Variants in RMDN2 observed in about 807,000 individuals in gnomAD.
RMDN2 encodes the protein regulator of microtubule dynamics 2.
A neutral mutation model predicts 52.8 loss-of-function variants in RMDN2; 61 were observed. The observed-to-expected ratio is 1.16, with a 90% CI of 0.94 to 1.43. The LOEUF is 1.43. Among genes scored for constraint, RMDN2 ranks in the 40% most tolerant of loss-of-function variants. The pLI, the probability that RMDN2 is intolerant of heterozygous loss-of-function variation, is 0.00. For synonymous variants in RMDN2, 180 were observed against 153.1 expected (o/e 1.18, Z -1.30); for missense variants, 592 against 475.3 (o/e 1.25, Z -2.28).
chr2:37,989,205 T>C (rs779539413), intron 5 of RMDN2, among the ~76,000 whole-genome samples: 7 of 152,194 alleles, frequency 4.6e-5, no homozygotes, highest in Non-Finnish European at 8.8e-5. Context: ...TGAGAGTTTC[T>C]TCATGACTTT....
At chr2:37,926,376 T>C (rs566342726) in intron 1 of RMDN2, among the ~76,000 whole-genome samples, 9 of 152,360 alleles carry the variant, frequency 5.9e-5, no homozygotes, top group African/African-American at 1.9e-4. Context: ...CTATTTTCTT[T>C]AGAGTCAACA....
chr2:38,049,887 T>C (rs1681485098), intron 10 of RMDN2, among the ~76,000 whole-genome samples: 2 of 152,200 alleles, frequency 1.3e-5, no homozygotes, highest in Non-Finnish European at 2.9e-5. Flanking sequence ...TTTTTTATCA[T>C]CTTGCTTCCC....
intron 10 of RMDN2, among the ~76,000 whole-genome samples, chr2:38,028,985 G>C (rs1362204240): frequency 2.0e-5 from 3 of 152,136 alleles, no homozygotes; most frequent in African/African-American, 7.2e-5. Context: ...CTGTTTTTAT[G>C]TGGGGCAGGA....
chr2:37,992,976 A>G (rs774225581), intron 7 of RMDN2, among the ~76,000 whole-genome samples: 6 of 151,962 alleles, frequency 3.9e-5, no homozygotes, highest in African/African-American at 1.5e-4. Flanking sequence ...GTGCAGTGGC[A>G]TGATCTCGGC....
chr2:37,981,602 C>G (rs754820033), intron 5 of RMDN2, among the ~76,000 whole-genome samples: 1 of 152,110 alleles, frequency 6.6e-6, no homozygotes, highest in African/African-American at 2.4e-5. Flanking sequence ...GAAGATGATA[C>G]GTTATAATTA....
At chr2:38,044,050 C>T (rs1216148896) in intron 10 of RMDN2, among the ~76,000 whole-genome samples, 1 of 151,918 alleles carries the variant, frequency 6.6e-6, no homozygotes, top group African/African-American at 2.4e-5. Flanking sequence ...ACTGACTTTG[C>T]AATAGATGTT....
chr2:37,930,764 C>T (rs966244344), intron 2 of RMDN2, among the ~76,000 whole-genome samples: 1 of 152,134 alleles, frequency 6.6e-6, no homozygotes, highest in Non-Finnish European at 1.5e-5. Context: ...CTGGTGGACT[C>T]CAGAGACAGA....
At chr2:38,033,550 A>G (rs1680363938) in intron 10 of RMDN2, among the ~76,000 whole-genome samples, 1 of 152,196 alleles carries the variant, frequency 6.6e-6, no homozygotes, top group Non-Finnish European at 1.5e-5. Flanking sequence ...TGTTTCTTAC[A>G]TTGTTATCCA....
chr2:37,955,735 G>T (rs1204531991), intron 2 of RMDN2, among the ~76,000 whole-genome samples: 2 of 152,068 alleles, frequency 1.3e-5, no homozygotes, highest in African/African-American at 4.8e-5. Flanking sequence ...CTCCTGCCAT[G>T]ATTCTGAGGC....
At chr2:37,952,292 A>T in intron 2 of RMDN2, 1 of 1,209,626 alleles carries the variant, frequency 8.3e-7, no homozygotes, top group Non-Finnish European at 1.2e-6. Context: ...ATTTCTCATA[A>T]CTCCCCTTTC....
At chr2:38,036,487 A>G (rs567370343) in intron 10 of RMDN2, 1 of 152,198 alleles carries the variant, frequency 6.6e-6, no homozygotes, top group Non-Finnish European at 1.5e-5. Context: ...AAGAGTCCAC[A>G]TACCCCTCCC....
At chr2:37,960,699 A>C (rs781052810) in intron 2 of RMDN2, among the ~76,000 whole-genome samples, 37 of 152,216 alleles carry the variant, frequency 2.4e-4, no homozygotes, top group Non-Finnish European at 4.1e-4. Flanking sequence ...ATTTAAGGTT[A>C]ATATTGTTAT....
At chr2:37,984,248 A>G (rs1438607620) in intron 5 of RMDN2, among the ~76,000 whole-genome samples, 2 of 152,214 alleles carry the variant, frequency 1.3e-5, no homozygotes, top group Non-Finnish European at 2.9e-5. Flanking sequence ...TCTACTGACA[A>G]AAAATATTTA....
intron 2 of RMDN2, among the ~76,000 whole-genome samples, chr2:37,945,814 A>T (rs569506120): frequency 6.6e-6 from 1 of 152,266 alleles, no homozygotes; most frequent in South Asian, 2.1e-4. Flanking sequence ...GACAGAGTCT[A>T]TACACTTTAC....
At chr2:37,946,699 T>G (rs1294745218) in intron 2 of RMDN2, among the ~76,000 whole-genome samples, 1 of 152,216 alleles carries the variant, frequency 6.6e-6, no homozygotes, top group Non-Finnish European at 1.5e-5. Context: ...ACTACCAGTC[T>G]TCACTGTTGG....
intron 2 of RMDN2, among the ~76,000 whole-genome samples, chr2:37,956,263 C>G (rs540183129): frequency 2.1e-4 from 32 of 152,196 alleles, no homozygotes; most frequent in African/African-American, 7.7e-4. Flanking sequence ...CTATTTATTC[C>G]TGATTCAGAC....
chr2:37,999,667 G>A (rs1009360854), intron 8 of RMDN2, among the ~76,000 whole-genome samples: 3 of 152,098 alleles, frequency 2.0e-5, no homozygotes, highest in African/African-American at 7.2e-5. Context: ...AAACAGCACA[G>A]ACCCTGGCTC....
At chr2:38,010,154 G>T (rs1440796405) in intron 10 of RMDN2, among the ~76,000 whole-genome samples, 1 of 152,176 alleles carries the variant, frequency 6.6e-6, no homozygotes, top group South Asian at 2.1e-4. Flanking sequence ...GCTACTCAGG[G>T]GTCAGGGACC....
intron 10 of RMDN2, among the ~76,000 whole-genome samples, chr2:38,065,689 T>G (rs1345965403): frequency 6.6e-6 from 1 of 152,194 alleles, no homozygotes; most frequent in Admixed American, 6.5e-5. Context: ...TGCATGGCTA[T>G]CAGATGGACA....
Sources: allele counts gnomAD v4.1 joint callset (sites outside exome capture counted in the v4.1 genomes callset), GRCh38; gene constraint gnomAD v4.1.1; transcripts MANE v1.5; gene names NCBI Gene and HGNC (gene_info 2026-07-23, HGNC 2026-07-21).